The following PCDH10 variants were observed in gnomAD, a reference collection of about 807,000 sequenced individuals.
The protein encoded by PCDH10 is protocadherin 10.
In PCDH10, 15 loss-of-function variants were observed where a neutral mutation model predicts 74.4. The ratio of observed to expected loss-of-function variants is 0.20; its 90% confidence interval spans 0.13 to 0.31. The LOEUF is 0.31. PCDH10 is among the 10% of genes least tolerant of loss of function. The pLI, the probability that PCDH10 is intolerant of heterozygous loss-of-function variation, is 1.00. For synonymous variants in PCDH10, 619 were observed against 589.8 expected (o/e 1.05, Z -0.72); for missense variants, 1,260 against 1,390.2 (o/e 0.91, Z 1.49).
intron 4 of PCDH10, among the ~76,000 whole-genome samples, chr4:133,177,472 A>G (rs144990397): frequency 9.9e-4 from 150 of 152,136 alleles, no homozygotes; most frequent in African/African-American, 3.4e-3. Flanking sequence ...TTTTGATTCT[A>G]TGTGTTTCTG....
At position 133,150,551 on chromosome 4, in the gene PCDH10, A is replaced by T; in HGVS notation, c.411A>T (p.Pro137=). 6.2e-7 allele frequency: 1 copy of T among 1,613,742 alleles called. No homozygotes were observed. The highest frequency in any genetic ancestry group is 8.5e-7 in the Non-Finnish European group (1 of 1,179,974). ...TGGAAATCTCTGAGAGCGCCACGCC[A>T]GGCACTCGCTTCCCCTTGGAGAGCG... The part of the protein sequence containing the change: ...LTVEISESAT[P]GTRFPLESAF... Residue 137 remains proline (P), a synonymous_variant, in exon 1 of 5, where the codon CCA becomes CCT. Coordinates refer to ENST00000264360, the MANE Select transcript of PCDH10 (RefSeq NM_032961.3).
chr4:133,156,754 AT>A (rs1395126732), intron 3 of PCDH10, among the ~76,000 whole-genome samples: 1 of 152,218 alleles, frequency 6.6e-6, no homozygotes, highest in Non-Finnish European at 1.5e-5. Context: ...CTCAATGAAC[AT>A]TTCAATTAGT....
intron 4 of PCDH10, among the ~76,000 whole-genome samples, chr4:133,164,500 A>T (rs773251537): frequency 6.6e-6 from 1 of 152,016 alleles, no homozygotes; most frequent in Non-Finnish European, 1.5e-5. Context: ...CAAGGCAAAA[A>T]GTGAAGGGTA....
Position 133,159,126 on chromosome 4 carries a change from T to C in PCDH10, c.2798-3851T>C, listed in dbSNP as rs535839428. 5.3e-5 allele frequency among the ~76,000 whole-genome samples: 8 copies of C among 152,164 alleles called. No homozygotes were observed. In the East Asian group the frequency reaches 1.4e-3, roughly 26 times the overall value. On this transcript the variant is annotated intron_variant, in intron 3 of 4. Coordinates refer to ENST00000264360, the MANE Select transcript of PCDH10 (RefSeq NM_032961.3). Reference sequence around the variant, plus strand: ...TATCTTCTTTAAAATTAATTTATCATATTTGGAAAAAAATAAACGCTTTGA... The same window carrying C: ...TATCTTCTTTAAAATTAATTTATCACATTTGGAAAAAAATAAACGCTTTGA...
At position 133,190,270 on chromosome 4, in the gene PCDH10, T is replaced by A; in HGVS notation, c.*110T>A. 3.2e-6 allele frequency: 3 copies of A among 947,766 alleles called. No individual in the cohort carries two copies. Among genetic ancestry groups the A allele is most frequent in the Non-Finnish European group, 5.2e-6 (3 of 579,318 alleles). 58.7% of individuals were successfully genotyped at this position (947,766 alleles called of 1,614,324 possible). On this transcript the variant is annotated 3_prime_UTR_variant, in exon 5 of 5. Coordinates refer to ENST00000264360, the MANE Select transcript of PCDH10 (RefSeq NM_032961.3). ...GGCCATCCAGTTAGTCATGTGTAAC[T>A]GAGTATTAGATTTCGGATGGAGTCA... is the stretch of plus-strand genomic sequence containing the variant.
At position 133,191,649 on chromosome 4, in the gene PCDH10, A is replaced by T. The variant is rs1174629894; in HGVS notation, c.*1489A>T. 6.6e-6 allele frequency: 1 copy of T among 151,938 alleles called. No individual in the cohort carries two copies. Among genetic ancestry groups the T allele is most frequent in the Non-Finnish European group, 1.5e-5 (1 of 67,680 alleles). The allele number at this position is 151,938 out of a possible 1,614,324, so 9.4% of individuals were successfully genotyped here. ...TAGAACACATTCGAGAGAGGAAAAA[A>T]ATCAGAGAATATAAGATAATCTTTC... On this transcript the variant is annotated 3_prime_UTR_variant, in exon 5 of 5. Coordinates refer to ENST00000264360, the MANE Select transcript of PCDH10 (RefSeq NM_032961.3).
chr4:133,175,742 C>T (rs1049823410), intron 4 of PCDH10, among the ~76,000 whole-genome samples: 4 of 152,002 alleles, frequency 2.6e-5, no homozygotes, highest in East Asian at 1.9e-4. Context: ...AAAAATACTC[C>T]GATCAGGTTA....
Position 133,152,363 on chromosome 4 carries a change from A to G in PCDH10, c.2223A>G (p.Gln741=). The change falls in exon 1 of 5, where the codon CAA becomes CAG. Residue 741 remains glutamine, a synonymous_variant. Coordinates refer to ENST00000264360, the MANE Select transcript of PCDH10 (RefSeq NM_032961.3). The part of the protein sequence containing the change: ...LAMIVLAVRC[Q]KEKKLNIYTC... ...TGATCGTGCTGGCCGTGCGTTGCCAAAAAGAGAAGAAGCTCAACATCTATA... is the reference window on the plus strand; with the variant it reads ...TGATCGTGCTGGCCGTGCGTTGCCAGAAAGAGAAGAAGCTCAACATCTATA... The G allele has an allele frequency of 1.2e-6, 2 of 1,614,164 alleles. No homozygotes were observed. Among genetic ancestry groups the G allele is most frequent in the Non-Finnish European group, 1.7e-6 (2 of 1,180,030 alleles).
At chr4:133,167,083 G>T (rs1214466020) in intron 4 of PCDH10, among the ~76,000 whole-genome samples, 1 of 150,920 alleles carries the variant, frequency 6.6e-6, no homozygotes, top group East Asian at 1.9e-4. Flanking sequence ...TTTTATTTTT[G>T]CCAACTTGTT....
chr4:133,184,150 A>C (rs1173966346), intron 4 of PCDH10, among the ~76,000 whole-genome samples: 1 of 152,108 alleles, frequency 6.6e-6, no homozygotes, highest in African/African-American at 2.4e-5. Flanking sequence ...AAGACTAATA[A>C]AGTTTACATA....
chr4:133,168,841 C>T (rs1172306128), intron 4 of PCDH10, among the ~76,000 whole-genome samples: 1 of 151,566 alleles, frequency 6.6e-6, no homozygotes, highest in African/African-American at 2.4e-5. Flanking sequence ...GTTGTTGATA[C>T]CTCCAAGCAA....
At chr4:133,164,507 G>T (rs574742849) in intron 4 of PCDH10, among the ~76,000 whole-genome samples, 9 of 151,782 alleles carry the variant, frequency 5.9e-5, no homozygotes, top group Admixed American at 2.0e-4. Context: ...AAAAGTGAAG[G>T]GTATATGATT....
intron 4 of PCDH10, among the ~76,000 whole-genome samples, chr4:133,184,723 A>G (rs1055863318): frequency 1.5e-4 from 21 of 144,278 alleles, no homozygotes; most frequent in South Asian, 2.1e-4. Context: ...ATTTGTTTAC[A>G]TATATTTATA....
intron 2 of PCDH10, among the ~76,000 whole-genome samples, chr4:133,206,260 T>C (rs573284021): frequency 5.6e-4 from 86 of 152,296 alleles, no homozygotes; most frequent in Middle Eastern, 6.8e-3. Context: ...CAAACTTCTT[T>C]GTATGACGAT....
intron 2 of PCDH10, among the ~76,000 whole-genome samples, chr4:133,203,484 T>C (rs1330504956): frequency 6.6e-6 from 1 of 152,156 alleles, no homozygotes; most frequent in African/African-American, 2.4e-5. Context: ...ACCTATGCTA[T>C]GCCATAGGGG....
chr4:133,168,675 A>G (rs891292921), intron 4 of PCDH10, among the ~76,000 whole-genome samples: 23 of 151,692 alleles, frequency 1.5e-4, no homozygotes, highest in Non-Finnish European at 2.8e-4. Flanking sequence ...TCCCAATACA[A>G]TTACTCCCTT....
rs1437607219 is a variant in PCDH10, at chr4:133,150,787, G to A, written c.647G>A (p.Gly216Glu). The change falls in exon 1 of 5, where the codon GGG (glycine) becomes GAG (glutamate). Residue 216 changes from glycine (G) to glutamate (E), a missense_variant. Coordinates refer to ENST00000264360, the MANE Select transcript of PCDH10 (RefSeq NM_032961.3). The stretch of plus-strand genomic sequence containing the variant: ...GGTGGGGGAGGAGTAGGAGAAGGAG[G>A]GGGAGGTGGCGGGGGAGCAGGCCTG... ...GGGGGGVGEG[G>E]GGGGGAGLPP... 4 of 1,586,254 alleles carry A rather than the reference G, an allele frequency of 2.5e-6. No homozygotes were observed. Among genetic ancestry groups the A allele is most frequent in the Non-Finnish European group, 3.4e-6 (4 of 1,166,616 alleles).
intron 4 of PCDH10, among the ~76,000 whole-genome samples, chr4:133,185,483 C>T (rs1023122263): frequency 3.5e-4 from 53 of 152,166 alleles, no homozygotes; most frequent in African/African-American, 1.3e-3. Context: ...ATTAACTGTA[C>T]AAATTTCTAA....
chr4:133,151,144 C>T lies in PCDH10; in HGVS notation c.1004C>T (p.Pro335Leu), dbSNP rs754932318. 1 of 1,614,164 alleles carries T rather than the reference C, an allele frequency of 6.2e-7. No individual in the cohort carries two copies. The highest frequency in any genetic ancestry group is 8.5e-7 in the Non-Finnish European group (1 of 1,180,018). Residue 335 changes from proline to leucine, a missense_variant, in exon 1 of 5, where the codon CCC becomes CTC. Pro to Leu is a moderately conservative substitution (Grantham distance 98, BLOSUM62 -3). Transcript: ENST00000264360. Reference protein sequence around the residue: ...QVYVQAKDLGPNAVPAHCKVL... With the variant: ...QVYVQAKDLGLNAVPAHCKVL... ...TACGTGCAAGCCAAGGACCTGGGCC[C>T]CAACGCCGTGCCTGCGCACTGCAAG...
Sources: allele counts gnomAD v4.1 joint callset (sites outside exome capture counted in the v4.1 genomes callset), GRCh38; gene constraint gnomAD v4.1.1; transcripts MANE v1.5; gene names NCBI Gene and HGNC (gene_info 2026-07-23, HGNC 2026-07-21).